Variants in SNX9 observed in about 807,000 individuals in gnomAD.
The protein encoded by SNX9 is sorting nexin 9.
Under a neutral mutation model 89.4 loss-of-function variants are expected in SNX9, and 44 were observed. The ratio of observed to expected loss-of-function variants is 0.49; its 90% CI spans 0.39 to 0.63. The LOEUF (loss-of-function observed/expected upper bound fraction) is 0.63. Among genes scored for constraint, SNX9 ranks in the 30% least tolerant of loss-of-function variants. The pLI is 0.00. For missense variants in SNX9, 578 were observed against 736.1 expected, an observed-to-expected ratio of 0.79 and a Z score of 2.49; for synonymous variants, 236 against 247.8, an observed-to-expected ratio of 0.95 and a Z score of 0.45.
At chr6:157,827,787 C>G (rs1386391622) in intron 1 of SNX9, among the ~76,000 whole-genome samples, 1 of 150,484 alleles carries the variant, frequency 6.6e-6, no homozygotes, top group Non-Finnish European at 1.5e-5. Context: ...AACCTTCAGT[C>G]ACTAATTTGG....
At chr6:157,933,664 A>G (rs1242519768) in intron 13 of SNX9, among the ~76,000 whole-genome samples, 2 of 152,122 alleles carry the variant, frequency 1.3e-5, no homozygotes, top group Non-Finnish European at 2.9e-5. Context: ...AGCCACGCCC[A>G]TTGCTTAGGG....
chr6:157,933,660 G>A (rs563215312), intron 13 of SNX9, among the ~76,000 whole-genome samples: 1 of 152,244 alleles, frequency 6.6e-6, no homozygotes, highest in Middle Eastern at 3.4e-3. Flanking sequence ...AGCAAGCCAC[G>A]CCCATTGCTT....
intron 1 of SNX9, among the ~76,000 whole-genome samples, chr6:157,864,123 G>A (rs1462725234): frequency 2.0e-5 from 3 of 152,158 alleles, no homozygotes. Flanking sequence ...CAAGATCTAG[G>A]TGCTGGCAGG....
At chr6:157,914,599 C>T (rs958317422) in intron 9 of SNX9, among the ~76,000 whole-genome samples, 2 of 150,258 alleles carry the variant, frequency 1.3e-5, no homozygotes, top group African/African-American at 2.5e-5. Flanking sequence ...GCCTCAGCCT[C>T]CTGAGTAGCT....
intron 1 of SNX9, among the ~76,000 whole-genome samples, chr6:157,864,709 A>G (rs981256933): frequency 2.0e-5 from 3 of 152,162 alleles, no homozygotes; most frequent in African/African-American, 7.2e-5. Flanking sequence ...TCATGGCAGG[A>G]AGGATCCAGG....
At chr6:157,851,820 C>T (rs1384860889) in intron 1 of SNX9, among the ~76,000 whole-genome samples, 1 of 152,078 alleles carries the variant, frequency 6.6e-6, no homozygotes, top group Non-Finnish European at 1.5e-5. Flanking sequence ...AACTTCTGAC[C>T]TCAAGTGAGT....
intron 1 of SNX9, among the ~76,000 whole-genome samples, chr6:157,827,034 A>G (rs1466611330): frequency 7.8e-5 from 1 of 12,802 alleles, no homozygotes; most frequent in East Asian, 1.6e-3. Flanking sequence ...ATATACATAT[A>G]TATTATAGTT....
chr6:157,830,404 A>G (rs1047326856), intron 1 of SNX9: 4 of 152,186 alleles, frequency 2.6e-5, no homozygotes, highest in Admixed American at 2.0e-4. Flanking sequence ...TGCTGCTGGG[A>G]AGCCAGTTAG....
intron 17 of SNX9, among the ~76,000 whole-genome samples, chr6:157,941,305 G>A (rs1442363911): frequency 6.6e-6 from 1 of 152,076 alleles, no homozygotes; most frequent in Non-Finnish European, 1.5e-5. Flanking sequence ...ATGAGATGAG[G>A]TCACCCAGCC....
chr6:157,935,718 G>A (rs749911997), intron 13 of SNX9, among the ~76,000 whole-genome samples: 33 of 152,180 alleles, frequency 2.2e-4, no homozygotes, highest in Non-Finnish European at 3.5e-4. Context: ...TATTAGGCAA[G>A]ATTTATGAAT....
chr6:157,923,470 T>G lies in SNX9; in HGVS notation c.1080+1809T>G, dbSNP rs760980832. ...GTCATTTACAGTAACATCAAAAGTATCAAATATCCAGGAATAAATACAAGA... is the reference window on the plus strand; with the variant it reads ...GTCATTTACAGTAACATCAAAAGTAGCAAATATCCAGGAATAAATACAAGA... On this transcript the variant is annotated intron_variant, in intron 10 of 17. Coordinates refer to ENST00000392185, the MANE Select transcript of SNX9 (RefSeq NM_016224.5). Among the ~76,000 whole-genome samples, 4 of 150,490 alleles carry G rather than the reference T, an allele frequency of 2.7e-5. No homozygotes were observed. The East Asian group carries it at 7.7e-4, about 29-fold the overall frequency.
At chr6:157,851,568 T>C (rs754356457) in intron 1 of SNX9, among the ~76,000 whole-genome samples, 3 of 152,158 alleles carry the variant, frequency 2.0e-5, no homozygotes, top group African/African-American at 7.2e-5. Flanking sequence ...TCTAGGTATC[T>C]CACATAGTGG....
At chr6:157,825,131 C>G (rs1049361955) in intron 1 of SNX9, among the ~76,000 whole-genome samples, 2 of 152,124 alleles carry the variant, frequency 1.3e-5, no homozygotes, top group African/African-American at 4.8e-5. Flanking sequence ...GCCTGTAGCC[C>G]CAGCTGCTCT....
intron 4 of SNX9, among the ~76,000 whole-genome samples, chr6:157,889,842 T>C (rs925889094): frequency 6.6e-6 from 1 of 152,240 alleles, no homozygotes; most frequent in Non-Finnish European, 1.5e-5. Context: ...ATTCTTTTCT[T>C]TATATTTTAG....
At chr6:157,860,189 G>A (rs1479712294) in intron 1 of SNX9, among the ~76,000 whole-genome samples, 2 of 151,918 alleles carry the variant, frequency 1.3e-5, no homozygotes, top group Non-Finnish European at 2.9e-5. Context: ...ATTTTGACAT[G>A]GCCTTAAAAA....
intron 9 of SNX9, among the ~76,000 whole-genome samples, chr6:157,918,484 G>A (rs9355429): frequency 0.22 from 32,934 of 151,954 alleles, 3,641 homozygotes; most frequent in Non-Finnish European, 0.23. Flanking sequence ...TTCAGTATAT[G>A]TGTGCCTTTG....
intron 4 of SNX9, among the ~76,000 whole-genome samples, chr6:157,891,972 C>T (rs1011864766): frequency 6.6e-6 from 1 of 152,132 alleles, no homozygotes; most frequent in African/African-American, 2.4e-5. Context: ...CTGATTGAGC[C>T]ACAGGAAGCT....
intron 1 of SNX9, among the ~76,000 whole-genome samples, chr6:157,840,168 ATCTCGGGAAAGAGCAGACCCTCAGG>A (rs1781668551): frequency 6.1e-5 from 8 of 130,784 alleles, no homozygotes; most frequent in African/African-American, 2.4e-4. Context: ...GTGTCTTTGG[ATCTCGGGAAAGAGCAGACCCTCAGG>A]CTGGTGCTTG....
intron 9 of SNX9, among the ~76,000 whole-genome samples, chr6:157,910,800 CTA>C (rs1783323763): frequency 6.6e-6 from 1 of 152,158 alleles, no homozygotes; most frequent in Admixed American, 6.5e-5. Flanking sequence ...CTCTGCTACT[CTA>C]TGTAGTCACT....
Sources: allele counts gnomAD v4.1 joint callset (sites outside exome capture counted in the v4.1 genomes callset), GRCh38; gene constraint gnomAD v4.1.1; transcripts MANE v1.5; gene names NCBI Gene and HGNC (gene_info 2026-07-23, HGNC 2026-07-21).